Variants in CSMD1 observed in about 807,000 individuals in gnomAD.
CSMD1 encodes the protein CUB and Sushi multiple domains 1, also known as CUB and sushi domain-containing protein 1.
A neutral mutation model predicts 417.5 loss-of-function variants in CSMD1; 213 were observed. The observed-to-expected ratio is 0.51, with a 90% confidence interval of 0.46 to 0.57. CSMD1 has a LOEUF of 0.57. Ranked by LOEUF, CSMD1 falls within the 20% of genes least tolerant of loss-of-function variation. CSMD1 has a pLI of 0.00. For synonymous variants in CSMD1, 2,862 were observed against 1,736.8 expected, an observed-to-expected ratio of 1.65 and a Z score of -16.11; for missense variants, 6,923 against 4,529.7, an observed-to-expected ratio of 1.53 and a Z score of -15.17.
intron 10 of CSMD1, among the ~76,000 whole-genome samples, chr8:3,519,985 T>C (rs7844035): frequency 1.8e-4 from 27 of 151,238 alleles, no homozygotes; most frequent in African/African-American, 5.8e-4. Flanking sequence ...AACTTCTTTA[T>C]CTGTGTGCAT....
intron 2 of CSMD1, among the ~76,000 whole-genome samples, chr8:4,445,896 C>T (rs17070317): frequency 0.22 from 33,876 of 152,050 alleles, 4,338 homozygotes; most frequent in East Asian, 0.47. Flanking sequence ...GGAGAGAGCA[C>T]GGATGCAGGG....
chr8:3,319,929 A>C (rs1806039900), intron 23 of CSMD1, among the ~76,000 whole-genome samples: 3 of 152,202 alleles, frequency 2.0e-5, no homozygotes, highest in Admixed American at 2.0e-4. Context: ...TTAATGGAGA[A>C]ATAGCAGCTC....
chr8:4,691,613 T>A (rs754611088), intron 1 of CSMD1, among the ~76,000 whole-genome samples: 4 of 152,124 alleles, frequency 2.6e-5, no homozygotes, highest in Non-Finnish European at 5.9e-5. Context: ...GTGGCAAAAA[T>A]TATTTTCTGC....
At chr8:4,154,325 G>C (rs551007507) in intron 3 of CSMD1, among the ~76,000 whole-genome samples, 2 of 152,188 alleles carry the variant, frequency 1.3e-5, no homozygotes, top group Admixed American at 1.3e-4. Flanking sequence ...TAAGTTGAAA[G>C]GATGTAGTCC....
Position 3,259,094 on chromosome 8 carries a change from C to G in CSMD1, c.4153+25050G>C, listed in dbSNP as rs151005261. ...TGCTACTTATATATAAAGCAGGTAT[C>G]TTAACCACAGCTTTTATGACAAGAC... On this transcript the variant is annotated intron_variant, in intron 26 of 69. Coordinates refer to ENST00000635120, the MANE Select transcript of CSMD1 (RefSeq NM_033225.6). Among the ~76,000 whole-genome samples the G allele has an allele frequency of 1.1e-3, 172 of 152,304 alleles. 1 individual carries two copies. Among genetic ancestry groups the G allele is most frequent in the Admixed American group, 7.8e-3 (119 of 15,288 alleles).
At chr8:3,651,445 G>C (rs13259883) in intron 7 of CSMD1, among the ~76,000 whole-genome samples, 2,932 of 152,110 alleles carry the variant, frequency 0.019, 45 homozygotes, top group Middle Eastern at 0.061. Flanking sequence ...TAATGCCTCA[G>C]GGTCTGTGCA....
At chr8:3,228,762 A>G (rs1049790499) in intron 27 of CSMD1, among the ~76,000 whole-genome samples, 3 of 152,074 alleles carry the variant, frequency 2.0e-5, no homozygotes, top group African/African-American at 7.2e-5. Context: ...CCACGAGCCT[A>G]AAAACATGCA....
intron 3 of CSMD1, among the ~76,000 whole-genome samples, chr8:4,071,842 A>T (rs1799575179): frequency 6.6e-6 from 1 of 152,046 alleles, no homozygotes; most frequent in Non-Finnish European, 1.5e-5. Flanking sequence ...GGTGGTGTGC[A>T]CATCCACTCT....
At chr8:4,663,038 G>A (rs1465888606) in intron 1 of CSMD1, among the ~76,000 whole-genome samples, 3 of 152,178 alleles carry the variant, frequency 2.0e-5, no homozygotes, top group African/African-American at 7.2e-5. Flanking sequence ...CTCTGTTCCA[G>A]CCCAGAGCTG....
chr8:4,211,150 T>G (rs1800286052), intron 3 of CSMD1, among the ~76,000 whole-genome samples: 1 of 152,102 alleles, frequency 6.6e-6, no homozygotes, highest in African/African-American at 2.4e-5. Context: ...AATCACTAAA[T>G]AATTTATCCA....
At chr8:4,078,713 T>C (rs1179568534) in intron 3 of CSMD1, among the ~76,000 whole-genome samples, 1 of 151,038 alleles carries the variant, frequency 6.6e-6, no homozygotes, top group African/African-American at 2.4e-5. Context: ...TTATTTGTTC[T>C]CCATAGATTG....
chr8:4,050,973 G>A (rs1585208778), intron 3 of CSMD1, among the ~76,000 whole-genome samples: 1 of 152,140 alleles, frequency 6.6e-6, no homozygotes, highest in Non-Finnish European at 1.5e-5. Flanking sequence ...AAAGGCTGCA[G>A]ATGGAGGAGG....
chr8:3,566,594 A>AT (rs1799721381), intron 10 of CSMD1, among the ~76,000 whole-genome samples: 1 of 151,866 alleles, frequency 6.6e-6, no homozygotes, highest in South Asian at 2.1e-4. Context: ...TTCAAGAAAA[A>AT]AAAACCATTA....
intron 50 of CSMD1, among the ~76,000 whole-genome samples, chr8:3,034,685 TATG>T (rs1241182386): frequency 6.6e-6 from 1 of 152,230 alleles, no homozygotes; most frequent in Non-Finnish European, 1.5e-5. Context: ...ATGCTTCTGT[TATG>T]TTCTTACTTT....
intron 23 of CSMD1, among the ~76,000 whole-genome samples, chr8:3,333,837 A>C (rs1585014318): frequency 6.6e-6 from 1 of 152,330 alleles, no homozygotes; most frequent in African/African-American, 2.4e-5. Flanking sequence ...TGAATACTAT[A>C]ATCTCTTTTA....
At chr8:3,932,047 C>G (rs1248695833) in intron 5 of CSMD1, among the ~76,000 whole-genome samples, 1 of 150,232 alleles carries the variant, frequency 6.7e-6, no homozygotes, top group South Asian at 2.2e-4. Flanking sequence ...CTAATTTCAT[C>G]AGAGAGTAGG....
chr8:3,875,312 A>T (rs1172501515), intron 5 of CSMD1, among the ~76,000 whole-genome samples: 1 of 152,134 alleles, frequency 6.6e-6, no homozygotes, highest in African/African-American at 2.4e-5. Context: ...AAACTCAAAG[A>T]ATTTGCTGTT....
chr8:4,872,690 G>T (rs944095741), intron 1 of CSMD1, among the ~76,000 whole-genome samples: 7 of 152,074 alleles, frequency 4.6e-5, no homozygotes, highest in Non-Finnish European at 1.5e-5. Context: ...AATACAACTT[G>T]CAAGGAACAC....
chr8:4,229,581 C>T (rs180915066), intron 3 of CSMD1, among the ~76,000 whole-genome samples: 212 of 152,308 alleles, frequency 1.4e-3, no homozygotes, highest in African/African-American at 5.0e-3. Flanking sequence ...CTTACAGGAC[C>T]TGTTTCCACT....
Sources: allele counts gnomAD v4.1 joint callset (sites outside exome capture counted in the v4.1 genomes callset), GRCh38; gene constraint gnomAD v4.1.1; transcripts MANE v1.5; gene names NCBI Gene and HGNC (gene_info 2026-07-23, HGNC 2026-07-21).